Variants in FBN2 observed in about 807,000 individuals in gnomAD.
FBN2 encodes fibrillin 2, also known as fibrillin-2.
A neutral mutation model predicts 355.6 loss-of-function variants in FBN2; 105 were observed. The ratio of observed to expected loss-of-function variants is 0.30; its 90% CI spans 0.25 to 0.35. The LOEUF (loss-of-function observed/expected upper bound fraction) is 0.35. Ranked by LOEUF, FBN2 falls within the 10% of genes least tolerant of loss-of-function variation. FBN2 has a pLI of 1.00. For missense variants in FBN2, 3,280 were observed against 3,758.7 expected, an observed-to-expected ratio of 0.87 and a Z score of 3.33; for synonymous variants, 1,350 against 1,301.2, an observed-to-expected ratio of 1.04 and a Z score of -0.81.
intron 58 of FBN2, 30 bp from the exon 59 acceptor site, chr5:128,276,190 A>G: frequency 6.2e-7 from 1 of 1,611,182 alleles, no homozygotes; most frequent in Non-Finnish European, 8.5e-7. Flanking sequence ...AGATTAAATT[A>G]CTGGTTAAAA....
chr5:128,495,530 A>G (rs960502156), intron 5 of FBN2, among the ~76,000 whole-genome samples: 2 of 152,166 alleles, frequency 1.3e-5, no homozygotes, highest in African/African-American at 4.8e-5. Context: ...TTAAAGACAA[A>G]AAGACAACTG....
chr5:128,407,528 T>C (rs1225868092), intron 8 of FBN2, among the ~76,000 whole-genome samples: 1 of 152,198 alleles, frequency 6.6e-6, no homozygotes, highest in Non-Finnish European at 1.5e-5. Flanking sequence ...ACGGTATGTG[T>C]AATATCTTAA....
At chr5:128,357,556 T>C (rs896720091) in intron 19 of FBN2, among the ~76,000 whole-genome samples, 161 bp from the exon 20 acceptor site, 1 of 152,178 alleles carries the variant, frequency 6.6e-6, no homozygotes, top group African/African-American at 2.4e-5. Context: ...GAGACATGCA[T>C]TTTACATCGT....
At chr5:128,502,347 G>C (rs1252660652) in intron 5 of FBN2, among the ~76,000 whole-genome samples, 2 of 151,726 alleles carry the variant, frequency 1.3e-5, no homozygotes, top group Non-Finnish European at 2.9e-5. Context: ...AAAACAGCAA[G>C]TGACTTAGGA....
At chr5:128,472,132 T>G (rs916093364) in intron 5 of FBN2, among the ~76,000 whole-genome samples, 5 of 152,160 alleles carry the variant, frequency 3.3e-5, no homozygotes, top group Non-Finnish European at 7.3e-5. Flanking sequence ...GACAGATGAA[T>G]AGATAACAAA....
intron 5 of FBN2, among the ~76,000 whole-genome samples, chr5:128,497,647 A>C (rs1755691988): frequency 6.6e-6 from 1 of 152,128 alleles, no homozygotes; most frequent in Non-Finnish European, 1.5e-5. Context: ...AAGTGTTTTT[A>C]AAAGGGGGTG....
chr5:128,393,107 A>G (rs538892865), intron 10 of FBN2, 28 bp downstream of exon 10: 3 of 1,530,744 alleles, frequency 2.0e-6, no homozygotes, highest in East Asian at 4.5e-5. Context: ...AGGAAACTAA[A>G]GAGTCCACAG....
intron 5 of FBN2, among the ~76,000 whole-genome samples, chr5:128,501,395 C>G (rs1755805153): frequency 1.3e-5 from 2 of 152,068 alleles, no homozygotes; most frequent in African/African-American, 4.8e-5. Flanking sequence ...GGAAGGAAAA[C>G]AATCCCTAGG....
At chr5:128,381,297 T>C (rs1752229751) in intron 11 of FBN2, among the ~76,000 whole-genome samples, 1 of 152,038 alleles carries the variant, frequency 6.6e-6, no homozygotes, top group African/African-American at 2.4e-5. Context: ...TCAGGAGCAA[T>C]TCTCATAATA....
At position 128,311,420 on chromosome 5, in the gene FBN2, C is replaced by T; in HGVS notation, c.4954G>A (p.Asp1652Asn). Residue 1652 changes from aspartate to asparagine, a missense_variant, in exon 39 of 65, where the codon GAC becomes AAC. Asp to Asn is a conservative substitution (Grantham distance 23). Coordinates refer to ENST00000262464, the MANE Select transcript of FBN2 (RefSeq NM_001999.4). ...NPITIILEDI[D>N]ECQELPGLCQ... ...AGACCTGGTAACTCCTGGCATTCGT[C>T]AATGTCTACAAAAAGGGAGACAGTG... The T allele has an allele frequency of 6.2e-7, 1 of 1,614,082 alleles. No individual in the cohort carries two copies. The highest frequency in any genetic ancestry group is 2.2e-5 in the East Asian group (1 of 44,870).
chr5:128,392,122 T>A lies in FBN2; in HGVS notation c.1499A>T (p.His500Leu), dbSNP rs760667569. The A allele has an allele frequency of 5.0e-6, 8 of 1,613,708 alleles. No individual in the cohort carries two copies. In the Admixed American group the frequency reaches 1.3e-4, roughly 27 times the overall value. ...ILNQTIDICK[H>L]HANLCLNGRC... ...TCCATTTAAACAAAGGTTAGCATGA[T>A]GCTTACAGATATCTATTGTCTGGTT... The change falls in exon 11 of 65, where the codon CAT becomes CTT. Residue 500 changes from histidine to leucine, a missense_variant. His to Leu is a moderately conservative substitution (Grantham distance 99, BLOSUM62 -3). Around this residue, in one of 6 missense-constraint regions of FBN2, gnomAD observed 343 missense variants for 331.0 expected, o/e 1.04. Coordinates refer to ENST00000262464, the MANE Select transcript of FBN2 (RefSeq NM_001999.4).
chr5:128,532,315 C>T (rs1396704261), intron 2 of FBN2, among the ~76,000 whole-genome samples: 1 of 152,158 alleles, frequency 6.6e-6, no homozygotes, highest in Non-Finnish European at 1.5e-5. Flanking sequence ...GCAGCTGTGA[C>T]CTCCAATGAA....
chr5:128,351,284 C>T (rs892388931), intron 20 of FBN2, among the ~76,000 whole-genome samples: 3 of 151,738 alleles, frequency 2.0e-5, no homozygotes, highest in Admixed American at 6.6e-5. Context: ...CAGTGGCTCA[C>T]GCCTGTAATC....
chr5:128,289,033 T>A (rs1749241626), intron 52 of FBN2, 94 bp downstream of exon 52: 6 of 1,302,868 alleles, frequency 4.6e-6, no homozygotes, highest in Admixed American at 3.4e-5. Context: ...GATTTGTAAA[T>A]CCCCCCATCA....
intron 7 of FBN2, among the ~76,000 whole-genome samples, chr5:128,411,360 C>T (rs576644316): frequency 5.3e-5 from 8 of 152,172 alleles, no homozygotes; most frequent in East Asian, 3.9e-4. Flanking sequence ...AATCAGGTCA[C>T]GTGAATGAAT....
Position 128,536,424 on chromosome 5 carries a change from A to T in FBN2, c.315T>A (p.Pro105=), listed in dbSNP as rs760494234. 1 of 1,613,974 alleles carries T rather than the reference A, an allele frequency of 6.2e-7. No individual in the cohort carries two copies. The highest frequency in any genetic ancestry group is 1.3e-5 in the African/African-American group (1 of 74,934). The change falls in exon 2 of 65, where the codon CCT becomes CCA. Residue 105 remains proline (P), a synonymous_variant. Transcript: ENST00000262464. ...CACGGACAATGCACTGGTTTCCTCCAGGGAGCGTCTTCCATCCAGGGCAGC... is the reference window on the plus strand; with the variant it reads ...CACGGACAATGCACTGGTTTCCTCCTGGGAGCGTCTTCCATCCAGGGCAGC... ...SYCCPGWKTL[P]GGNQCIVPIC...
In FBN2 at chr5:128,305,944, A is replaced by G. The variant is rs756365546; in HGVS notation, c.5427T>C (p.Ile1809=). ...TGCCTGGAATCTCTTTACATTCATC[A>G]ATGTCTGAAATGGAACAGATTTGGT... ...FDIHTGKAVD[I]DECKEIPGIC... is the part of the protein sequence containing the mutation. The change falls in exon 43 of 65, where the codon ATT becomes ATC. Residue 1809 remains isoleucine (I), a synonymous_variant. Transcript: ENST00000262464. The G allele has an allele frequency of 1.2e-6, 2 of 1,613,618 alleles. No individual in the cohort carries two copies.
chr5:128,408,633 TAA>T (rs1561442228), intron 8 of FBN2, 39 bp downstream of exon 8: 1 of 1,613,212 alleles, frequency 6.2e-7, no homozygotes, highest in South Asian at 1.1e-5. Flanking sequence ...TTTGTCATTA[TAA>T]AGACCCAGTG....
At chr5:128,394,478 G>C (rs1261876703) in intron 9 of FBN2, among the ~76,000 whole-genome samples, 2 of 152,062 alleles carry the variant, frequency 1.3e-5, no homozygotes, top group Admixed American at 1.3e-4. Context: ...ATAAGCTGAA[G>C]GTATTCCTGA....
Sources: gnomAD v4.1 joint callset for allele counts (sites outside exome capture counted in the v4.1 genomes callset) on GRCh38, gnomAD v4.1.1 for gene constraint, gnomAD v4.1.1 regional missense constraint, MANE v1.5 for transcripts, NCBI Gene and HGNC (gene_info 2026-07-23, HGNC 2026-07-21) for gene names.